Variants in COTL1 observed in about 807,000 individuals in gnomAD.
The protein encoded by COTL1 is coactosin-like protein.
COTL1 carries 15 observed loss-of-function variants against 16.5 expected under a neutral mutation model. That is an observed-to-expected ratio of 0.91 (90% confidence interval 0.61 to 1.40). The LOEUF (loss-of-function observed/expected upper bound fraction) is 1.40, where lower values mean the gene tolerates loss of function less well. COTL1 is among the 40% of genes most tolerant of loss of function. The pLI is 0.00. For missense variants in COTL1, 220 were observed against 201.5 expected (o/e 1.09, Z -0.56); for synonymous variants, 112 against 85.3 (o/e 1.31, Z -1.73).
chr16:84,587,309 C>G (rs988693263), intron 3 of COTL1, among the ~76,000 whole-genome samples: 6 of 152,206 alleles, frequency 3.9e-5, no homozygotes, highest in African/African-American at 1.2e-4. Context: ...AGTGCTAGCA[C>G]TGCTCAAAGC....
At chr16:84,588,691 T>C (rs1176296571) in intron 3 of COTL1, among the ~76,000 whole-genome samples, 1 of 151,982 alleles carries the variant, frequency 6.6e-6, no homozygotes, top group Non-Finnish European at 1.5e-5. Flanking sequence ...TTTATTCTTT[T>C]GTACAGATGG....
intron 2 of COTL1, among the ~76,000 whole-genome samples, chr16:84,611,837 G>A (rs1301485163): frequency 6.6e-6 from 1 of 152,116 alleles, no homozygotes; most frequent in Non-Finnish European, 1.5e-5. Flanking sequence ...TTCACAGACA[G>A]CCCCAGCCAC....
chr16:84,581,551 G>C (rs1904593974), intron 3 of COTL1, among the ~76,000 whole-genome samples: 1 of 152,204 alleles, frequency 6.6e-6, no homozygotes, highest in Admixed American at 6.5e-5. Flanking sequence ...CACCGAGGCT[G>C]CAGTGCAGGT....
At chr16:84,604,711 C>T (rs1019129909) in intron 2 of COTL1, among the ~76,000 whole-genome samples, 2 of 152,134 alleles carry the variant, frequency 1.3e-5, no homozygotes, top group Non-Finnish European at 2.9e-5. Flanking sequence ...GGCAGGGGCC[C>T]AGAGGGGGCT....
At chr16:84,613,585 C>T (rs928947218) in intron 2 of COTL1, among the ~76,000 whole-genome samples, 1 of 151,936 alleles carries the variant, frequency 6.6e-6, no homozygotes, top group African/African-American at 2.4e-5. Flanking sequence ...CAGAAGGGAG[C>T]CATAGAAGGT....
intron 3 of COTL1, among the ~76,000 whole-genome samples, chr16:84,571,703 C>T (rs1214524735): frequency 6.6e-6 from 1 of 152,238 alleles, no homozygotes; most frequent in Non-Finnish European, 1.5e-5. Flanking sequence ...GCAGACTGGT[C>T]ATGCACGGGC....
In COTL1 at chr16:84,566,972, A is replaced by AAACACAGC; in HGVS notation, c.319-25_319-18dup. ...AGCGAAATTCTGCAAGAACAAAGGA[A>AAACACAGC]AACACAGCGTTCCTATTAAGAAGGA... On this transcript the variant is annotated splice_polypyrimidine_tract_variant and intron_variant, in intron 3 of 3. Coordinates refer to ENST00000262428, the MANE Select transcript of COTL1 (RefSeq NM_021149.5). 6.4e-7 allele frequency: 1 copy of AAACACAGC among 1,574,094 alleles called. No homozygotes were observed. The highest frequency in any genetic ancestry group is 8.7e-7 in the Non-Finnish European group (1 of 1,143,712).
intron 3 of COTL1, chr16:84,576,696 G>C (rs1904461092): frequency 6.6e-6 from 1 of 152,224 alleles, no homozygotes; most frequent in Admixed American, 6.6e-5. Flanking sequence ...CTACACCTAA[G>C]CCTCCAGAGC....
At chr16:84,602,848 C>G (rs1382866491) in intron 2 of COTL1, among the ~76,000 whole-genome samples, 4 of 147,622 alleles carry the variant, frequency 2.7e-5, no homozygotes, top group Non-Finnish European at 4.4e-5. Flanking sequence ...GAGACTTCAT[C>G]TCAAAAAAAA....
At chr16:84,601,060 A>G (rs1905097674) in intron 2 of COTL1, among the ~76,000 whole-genome samples, 1 of 152,162 alleles carries the variant, frequency 6.6e-6, no homozygotes, top group Admixed American at 6.5e-5. Context: ...ACCTTATTAC[A>G]GTATCTATAG....
chr16:84,600,308 G>C (rs564906717), intron 2 of COTL1, among the ~76,000 whole-genome samples: 1 of 143,942 alleles, frequency 6.9e-6, no homozygotes, highest in East Asian at 2.2e-4. Context: ...CATGAATAAA[G>C]GCTCTTTTTT....
chr16:84,577,866 G>C (rs1167109926), intron 3 of COTL1, among the ~76,000 whole-genome samples: 1 of 152,132 alleles, frequency 6.6e-6, no homozygotes, highest in African/African-American at 2.4e-5. Flanking sequence ...CCTATGCCTG[G>C]ATCTGTGACC....
chr16:84,615,876 T>TGTGTGTGTGTGTGTGTGC (rs755850381), intron 2 of COTL1: 1 of 149,942 alleles, frequency 6.7e-6, no homozygotes, highest in African/African-American at 2.4e-5. Flanking sequence ...TGTGTGTGTG[T>TGTGTGTGTGTGTGTGTGC]GCGCGCACGC....
At chr16:84,592,724 T>A (rs574887090) in intron 2 of COTL1, among the ~76,000 whole-genome samples, 23 of 152,164 alleles carry the variant, frequency 1.5e-4, no homozygotes, top group African/African-American at 5.3e-4. Flanking sequence ...CTACAGGAGA[T>A]ACTGGCCTGC....
At position 84,614,563 on chromosome 16, in the gene COTL1, G is replaced by A. The variant is rs953635480; in HGVS notation, c.160+2938C>T. On this transcript the variant is annotated intron_variant, in intron 2 of 3. Coordinates refer to ENST00000262428, the MANE Select transcript of COTL1 (RefSeq NM_021149.5). ...GGGAAGGGGGTGTTTCAGAGAGAAT[G>A]CCTGAGTGCCAGAGTGGGGAGGGTT... 5.3e-5 allele frequency among the ~76,000 whole-genome samples: 8 copies of A among 152,232 alleles called. No homozygotes were observed. The East Asian group carries it at 1.5e-3, about 29-fold the overall frequency.
chr16:84,578,916 C>T (rs542492818), intron 3 of COTL1, among the ~76,000 whole-genome samples: 1 of 118,480 alleles, frequency 8.4e-6, no homozygotes, highest in South Asian at 2.1e-4. Flanking sequence ...CACATGCATG[C>T]ATACACACAG....
chr16:84,575,741 C>T (rs2966316), intron 3 of COTL1: 9,004 of 152,338 alleles, frequency 0.059, 386 homozygotes, highest in African/African-American at 0.11. Context: ...TACAAACAGG[C>T]ACCCTTGTCC....
At position 84,617,854 on chromosome 16, in the gene COTL1, C is replaced by G. The variant is rs938596004; in HGVS notation, c.61G>C (p.Gly21Arg). The change falls in exon 1 of 4, where the codon GGC becomes CGC. Residue 21 changes from glycine to arginine, a missense_variant. Physicochemically the swap from Gly to Arg is moderately radical, Grantham distance 125 (BLOSUM62 -2). Transcript: ENST00000262428. ...RAAYNLVRDD[G>R]SAVIWVTFKY... ...AGTTCCTACCAGATGACGGCCGAGC[C>G]GTCGTCGCGCACCAGGTTGTACGCC... 1 of 1,575,366 alleles carries G rather than the reference C, an allele frequency of 6.3e-7. No individual in the cohort carries two copies.
intron 3 of COTL1, among the ~76,000 whole-genome samples, chr16:84,580,754 A>G (rs1904570194): frequency 1.3e-5 from 2 of 152,338 alleles, no homozygotes; most frequent in South Asian, 4.1e-4. Flanking sequence ...TCATGGATGA[A>G]TAAGCCTGGC....
Sources: gnomAD v4.1 joint callset for allele counts (sites outside exome capture counted in the v4.1 genomes callset) on GRCh38, gnomAD v4.1.1 for gene constraint, MANE v1.5 for transcripts, NCBI Gene and HGNC (gene_info 2026-07-23, HGNC 2026-07-21) for gene names.